The following CNTN5 variants were observed in gnomAD, a reference collection of about 807,000 sequenced individuals.
CNTN5 encodes contactin-5.
A neutral mutation model predicts 129.1 loss-of-function variants in CNTN5; 77 were observed. The observed-to-expected ratio is 0.60, with a 90% CI of 0.50 to 0.72. The LOEUF (loss-of-function observed/expected upper bound fraction) is 0.72, where lower values mean the gene tolerates loss of function less well. Among genes scored for constraint, CNTN5 ranks in the 30% least tolerant of loss-of-function variants. The probability of loss-of-function intolerance (pLI) is 0.00; values close to 1 mark genes in which losing one functional copy is unlikely to be tolerated. For missense variants in CNTN5, 1,478 were observed against 1,328.8 expected (o/e 1.11, Z -1.75); for synonymous variants, 509 against 465.6 (o/e 1.09, Z -1.20).
At chr11:100,032,418 G>T (rs1456484123) in intron 9 of CNTN5, among the ~76,000 whole-genome samples, 2 of 151,866 alleles carry the variant, frequency 1.3e-5, no homozygotes, top group Non-Finnish European at 2.9e-5. Flanking sequence ...AAAAAAGACA[G>T]TTATAAATTT....
intron 1 of CNTN5, among the ~76,000 whole-genome samples, chr11:99,162,607 C>T (rs1591296874): frequency 2.0e-5 from 3 of 152,080 alleles, no homozygotes; most frequent in East Asian, 1.9e-4. Flanking sequence ...TCCTATAATA[C>T]ATTATCTGAT....
At chr11:99,029,422 C>T (rs1031608529) in intron 1 of CNTN5, among the ~76,000 whole-genome samples, 1 of 151,888 alleles carries the variant, frequency 6.6e-6, no homozygotes, top group African/African-American at 2.4e-5. Flanking sequence ...AGTTTGACCA[C>T]TGACATTGAA....
At position 99,560,406 on chromosome 11, in the gene CNTN5, C is replaced by T. The variant is rs1041585597; in HGVS notation, c.55+4137C>T. On this transcript the variant is annotated intron_variant, in intron 3 of 24. Transcript: ENST00000524871. ...CTCCGGGTTCAAGAAATTCTCCTGC[C>T]TCAGACTCCCGAGTAGCTGGGATTA... is the stretch of plus-strand genomic sequence containing the variant. Among the ~76,000 whole-genome samples the T allele has an allele frequency of 2.6e-5, 4 of 151,792 alleles. 1 individual carries two copies. The highest frequency in any genetic ancestry group is 4.2e-4 in the South Asian group (2 of 4,810).
chr11:99,181,067 G>T (rs1181956237), intron 1 of CNTN5, among the ~76,000 whole-genome samples: 1 of 152,192 alleles, frequency 6.6e-6, no homozygotes, highest in Non-Finnish European at 1.5e-5. Context: ...AAGCAGGATT[G>T]TACCGGTGGC....
intron 9 of CNTN5, among the ~76,000 whole-genome samples, chr11:100,055,438 C>T (rs1212898586): frequency 1.3e-5 from 2 of 151,472 alleles, no homozygotes; most frequent in Admixed American, 1.3e-4. Context: ...TCATTATTCT[C>T]CTTCTTGAAG....
intron 15 of CNTN5, among the ~76,000 whole-genome samples, chr11:100,213,209 A>G (rs902047945): frequency 6.6e-6 from 1 of 152,166 alleles, no homozygotes; most frequent in Non-Finnish European, 1.5e-5. Flanking sequence ...AAGCCCTATC[A>G]ATATGAAATC....
chr11:100,296,237 C>G (rs945399961), intron 18 of CNTN5, among the ~76,000 whole-genome samples: 4 of 151,526 alleles, frequency 2.6e-5, no homozygotes, highest in African/African-American at 9.7e-5. Flanking sequence ...ATCTCACAGT[C>G]TGTTACATGT....
At chr11:99,377,317 T>C (rs1426182996) in intron 2 of CNTN5, among the ~76,000 whole-genome samples, 1 of 152,140 alleles carries the variant, frequency 6.6e-6, no homozygotes, top group Admixed American at 6.6e-5. Context: ...TTGTTTTTGC[T>C]TAGTGTCATC....
At chr11:99,721,340 C>T (rs1221099885) in intron 3 of CNTN5, among the ~76,000 whole-genome samples, 1 of 152,062 alleles carries the variant, frequency 6.6e-6, no homozygotes, top group Non-Finnish European at 1.5e-5. Context: ...ACATATATGT[C>T]CATCTGATCT....
intron 9 of CNTN5, among the ~76,000 whole-genome samples, chr11:100,004,531 C>T (rs185847396): frequency 5.3e-5 from 8 of 152,280 alleles, no homozygotes; most frequent in African/African-American, 1.2e-4. Flanking sequence ...TTCCCACATA[C>T]GTGTTTCTCC....
intron 17 of CNTN5, among the ~76,000 whole-genome samples, chr11:100,266,692 G>C (rs1950310568): frequency 6.7e-6 from 1 of 148,464 alleles, no homozygotes; most frequent in Non-Finnish European, 1.5e-5. Context: ...TATGGACTTG[G>C]AAAGGGAGTC....
chr11:100,194,940 C>T (rs1322496748), intron 15 of CNTN5, among the ~76,000 whole-genome samples: 1 of 151,860 alleles, frequency 6.6e-6, no homozygotes, highest in African/African-American at 2.4e-5. Context: ...GAAACAATTG[C>T]CAACTACATT....
chr11:99,120,958 C>T (rs185783968), intron 1 of CNTN5, among the ~76,000 whole-genome samples: 1 of 150,610 alleles, frequency 6.6e-6, no homozygotes, highest in East Asian at 1.9e-4. Flanking sequence ...ATGTTTTAGT[C>T]AAATACAACT....
intron 3 of CNTN5, among the ~76,000 whole-genome samples, chr11:99,805,056 G>A (rs888340557): frequency 2.0e-5 from 3 of 152,014 alleles, no homozygotes; most frequent in East Asian, 1.9e-4. Flanking sequence ...ACAGGAAATG[G>A]AATATATAAA....
chr11:99,702,342 C>G (rs908708901), intron 3 of CNTN5, among the ~76,000 whole-genome samples: 2 of 150,820 alleles, frequency 1.3e-5, no homozygotes, highest in Non-Finnish European at 3.0e-5. Flanking sequence ...TGTCACCAAC[C>G]GAACACACAG....
At chr11:100,100,354 C>T (rs1415387741) in intron 13 of CNTN5, among the ~76,000 whole-genome samples, 1 of 152,094 alleles carries the variant, frequency 6.6e-6, no homozygotes. Context: ...ATCATTTGCT[C>T]ATATGTCTCT....
chr11:99,410,447 A>C (rs992800334), intron 2 of CNTN5, among the ~76,000 whole-genome samples: 10 of 152,182 alleles, frequency 6.6e-5, no homozygotes, highest in South Asian at 6.2e-4. Context: ...GAGCCATGAA[A>C]GACTGTTCTA....
chr11:99,610,470 A>G (rs1329749396), intron 3 of CNTN5, among the ~76,000 whole-genome samples: 2 of 152,172 alleles, frequency 1.3e-5, no homozygotes, highest in Admixed American at 6.6e-5. Flanking sequence ...ATCTTAGAAC[A>G]TATTTTGTTT....
chr11:99,194,554 C>CA (rs1206190725), intron 1 of CNTN5, among the ~76,000 whole-genome samples: 2 of 151,940 alleles, frequency 1.3e-5, no homozygotes, highest in African/African-American at 2.4e-5. Context: ...GGAAATTGAG[C>CA]AAAAAAGATT....
Sources: gnomAD v4.1 joint callset for allele counts (sites outside exome capture counted in the v4.1 genomes callset) on GRCh38, gnomAD v4.1.1 for gene constraint, MANE v1.5 for transcripts, NCBI Gene and HGNC (gene_info 2026-07-23, HGNC 2026-07-21) for gene names.